The following HES3 variants were observed in gnomAD, a reference collection of about 807,000 sequenced individuals.
HES3 encodes transcription factor HES-3.
HES3 carries 6 observed loss-of-function variants against 8.0 expected under a neutral mutation model. The observed-to-expected ratio is 0.75, with a 90% confidence interval of 0.41 to 1.49. The LOEUF (loss-of-function observed/expected upper bound fraction) is 1.49, where lower values mean the gene tolerates loss of function less well. HES3 is among the 40% of genes most tolerant of loss of function. The probability of loss-of-function intolerance (pLI) is 0.01; values close to 1 mark genes in which losing one functional copy is unlikely to be tolerated. For missense variants in HES3, 266 were observed against 260.9 expected (o/e 1.02, Z -0.13); for synonymous variants, 121 against 119.4 (o/e 1.01, Z -0.09).
intron 3 of HES3, 102 bp from the exon 4 acceptor site, chr1:6,245,008 T>TCCCCCCCCCCCCCCCCCCCCCCC: frequency 8.9e-6 from 2 of 225,136 alleles, no homozygotes; most frequent in South Asian, 4.1e-5. Context: ...CTCCCTCCCT[T>TCCCCCCCCCCCCCCCCCCCCCCC]CCTCCCCTCC....
At position 6,245,193 on chromosome 1, in the gene HES3, GGAGAT is replaced by G; in HGVS notation, c.251_255del (p.Asp84GlyfsTer99). The G allele has an allele frequency of 6.5e-7, 1 of 1,527,346 alleles. No homozygotes were observed. The highest frequency in any genetic ancestry group is 8.7e-7 in the Non-Finnish European group (1 of 1,144,222). The allele number at this position is 1,527,346 out of a possible 1,614,324, so 94.6% of individuals were successfully genotyped here. On this transcript the variant is annotated frameshift_variant, in exon 4 of 4. Coordinates refer to ENST00000377898, the MANE Select transcript of HES3 (RefSeq NM_001024598.4). LOFTEE classifies it low-confidence loss of function (END_TRUNC). Reference sequence around the variant, plus strand: ...CGGCGTGAGCCAGCTCCTTCGGCGCGGAGATGAGGTCGGCAGCGGCCTGCGCTGCC... The same window carrying G: ...CGGCGTGAGCCAGCTCCTTCGGCGCGGAGGTCGGCAGCGGCCTGCGCTGCC...
intron 1 of HES3, 32 bp downstream of exon 1, chr1:6,244,273 C>A: frequency 8.3e-7 from 1 of 1,208,734 alleles, no homozygotes; most frequent in Non-Finnish European, 1.2e-6. Context: ...GGGGCAGGCA[C>A]CCTTCCCCGG....
At chr1:6,245,011 T>TCCCC in intron 3 of HES3, 99 bp from the exon 4 acceptor site, 2 of 103,062 alleles carry the variant, frequency 1.9e-5, no homozygotes, top group Non-Finnish European at 3.6e-5. Context: ...CCTCCCTTCC[T>TCCCC]CCCCTCCCCT....
chr1:6,244,873 G>A (rs1638268091), intron 3 of HES3, among the ~76,000 whole-genome samples: 1 of 152,050 alleles, frequency 6.6e-6, no homozygotes, highest in South Asian at 2.1e-4. Context: ...CTGGCTGTGC[G>A]ATTGCAATCT....
At position 6,245,564 on chromosome 1, in the gene HES3, A is replaced by G. The variant is rs897882357; in HGVS notation, c.*57A>G. The G allele has an allele frequency of 3.5e-6, 5 of 1,414,804 alleles. No homozygotes were observed. The African/African-American group carries it at 7.5e-5, about 21-fold the overall frequency. 87.6% of individuals were successfully genotyped at this position (1,414,804 alleles called of 1,614,324 possible). The stretch of plus-strand genomic sequence containing the variant: ...GACTATTTTCAGCACGCCCACAGTG[A>G]CTGCCAGGACCCCCCAGTCGTCCGT... On this transcript the variant is annotated 3_prime_UTR_variant, in exon 4 of 4. Transcript: ENST00000377898.
rs371128617 is a variant in HES3 at position 6,245,165 on chromosome 1, G to A, written c.219G>A (p.Leu73=). 291 of 1,528,952 alleles carry A rather than the reference G, an allele frequency of 1.9e-4. 2 individuals are homozygous for A. In the East Asian group the frequency reaches 4.5e-3, roughly 23 times the overall value. The allele number at this position is 1,528,952 out of a possible 1,614,324, so 94.7% of individuals were successfully genotyped here. A position where few individuals can be genotyped will look rare whatever the true frequency, so the allele number is the denominator to read the frequency against. Residue 73 remains leucine, a synonymous_variant, in exon 4 of 4, where the codon CTG becomes CTA. Coordinates refer to ENST00000377898, the MANE Select transcript of HES3 (RefSeq NM_001024598.4). ...AACCGTCGGGCTTCCGCAGCTGCCTGCCCGGCGTGAGCCAGCTCCTTCGGC... is the reference window on the plus strand; with the variant it reads ...AACCGTCGGGCTTCCGCAGCTGCCTACCCGGCGTGAGCCAGCTCCTTCGGC... The part of the protein sequence containing the change: ...AEQPSGFRSC[L]PGVSQLLRRG...
chr1:6,245,001 C>CT (rs1238526157), intron 3 of HES3, 109 bp from the exon 4 acceptor site: 2 of 345,246 alleles, frequency 5.8e-6, no homozygotes, highest in Non-Finnish European at 1.1e-5. Context: ...CCCTCTCCTC[C>CT]CTCCCTTCCT....
chr1:6,245,004 CCCTT>C (rs1212620127), intron 3 of HES3, 102 bp from the exon 4 acceptor site: 3 of 293,820 alleles, frequency 1.0e-5, no homozygotes, highest in African/African-American at 7.2e-5. Flanking sequence ...TCTCCTCCCT[CCCTT>C]CCTCCCCTCC....
At position 6,244,223 on chromosome 1, in the gene HES3, C is replaced by T. The variant is rs1638252421; in HGVS notation, c.-34C>T. ...CGGAGCCTGCTGCCCGGGGCAGCCT[C>T]CCCGGCAACTTCCGAAAGGTCTGGG... On this transcript the variant is annotated 5_prime_UTR_variant, in exon 1 of 4. Transcript: ENST00000377898. The T allele has an allele frequency of 1.4e-6, 1 of 719,434 alleles. No individual in the cohort carries two copies. The highest frequency in any genetic ancestry group is 2.6e-5 in the East Asian group (1 of 37,998). The allele number at this position is 719,434 out of a possible 1,614,324, so 44.6% of individuals were successfully genotyped here.
Position 6,244,958 on chromosome 1 carries a change from G to T in HES3, c.164-152G>T, listed in dbSNP as rs1016648140. 7 of 640,860 alleles carry T rather than the reference G, an allele frequency of 1.1e-5. No homozygotes were observed. In the African/African-American group the frequency reaches 1.3e-4, roughly 12 times the overall value. 39.7% of individuals were successfully genotyped at this position (640,860 alleles called of 1,614,324 possible). The stretch of plus-strand genomic sequence containing the variant: ...GCCCTCCTCTTCCCTTCCTCAACAC[G>T]CTTCCTCCCTCCTTTCCCCTCCACC... On this transcript the variant is annotated intron_variant, in intron 3 of 3. Coordinates refer to ENST00000377898, the MANE Select transcript of HES3 (RefSeq NM_001024598.4).
Position 6,244,198 on chromosome 1 carries a change from C to A in HES3, c.-59C>A. The A allele has an allele frequency of 1.6e-6, 1 of 639,032 alleles. No homozygotes were observed. Among genetic ancestry groups the A allele is most frequent in the Non-Finnish European group, 2.8e-6 (1 of 356,678 alleles). The allele number at this position is 639,032 out of a possible 1,614,324, so 39.6% of individuals were successfully genotyped here. A position where few individuals can be genotyped will look rare whatever the true frequency, so the allele number is the denominator to read the frequency against. ...TGGTGCATGGACTGCAACATGGGCACGGAGCCTGCTGCCCGGGGCAGCCTC... is the reference window on the plus strand; with the variant it reads ...TGGTGCATGGACTGCAACATGGGCAAGGAGCCTGCTGCCCGGGGCAGCCTC... On this transcript the variant is annotated 5_prime_UTR_variant, in exon 1 of 4. Transcript: ENST00000377898.
intron 3 of HES3, among the ~76,000 whole-genome samples, 154 bp downstream of exon 3, chr1:6,244,783 G>A (rs973509964): frequency 8.5e-5 from 13 of 152,184 alleles, no homozygotes; most frequent in African/African-American, 2.4e-4. Context: ...ATATAAAGAG[G>A]ACAACTCGGA....
In HES3 at chr1:6,244,633, T is replaced by C. The variant is rs1638262604; in HGVS notation, c.163+4T>C. ...AGCCTTCAGAACTCCTTGCAAGGTA[T>C]AGGGGAGGGCTGGAGGGAGGAGGGG... On this transcript the variant is annotated splice_donor_region_variant and intron_variant, in intron 3 of 3. Coordinates refer to ENST00000377898, the MANE Select transcript of HES3 (RefSeq NM_001024598.4). 1 of 1,611,034 alleles carries C rather than the reference T, an allele frequency of 6.2e-7. No individual in the cohort carries two copies. The highest frequency in any genetic ancestry group is 8.5e-7 in the Non-Finnish European group (1 of 1,178,256).
Position 6,244,903 on chromosome 1 carries a change from C to G in HES3, c.164-207C>G, listed in dbSNP as rs190473475. Reference sequence around the variant, plus strand: ...CAATCTGGGTGGTAGGTCTGGACCCCGGGGGAGACGTTCGGGTCGTCTGAC... The same window carrying G: ...CAATCTGGGTGGTAGGTCTGGACCCGGGGGGAGACGTTCGGGTCGTCTGAC... On this transcript the variant is annotated intron_variant, in intron 3 of 3. Coordinates refer to ENST00000377898, the MANE Select transcript of HES3 (RefSeq NM_001024598.4). Among the ~76,000 whole-genome samples, 901 of 152,010 alleles carry G rather than the reference C, an allele frequency of 5.9e-3. 7 individuals carry two copies. The highest frequency in any genetic ancestry group is 0.021 in the African/African-American group (864 of 41,450).
chr1:6,245,404 G>C lies in HES3; in HGVS notation c.458G>C (p.Ser153Thr). 6.5e-7 allele frequency: 1 copy of C among 1,536,746 alleles called. No individual in the cohort carries two copies. Among genetic ancestry groups the C allele is most frequent in the Non-Finnish European group, 8.7e-7 (1 of 1,150,936 alleles). ...GAAAGTCTCCCTGGCTCGTCCGCCA[G>C]CGTCCCCCCGCCGCAGCCAGCGTCG... Reference protein sequence around the residue: ...LPESLPGSSASVPPPQPASSR... With the variant: ...LPESLPGSSATVPPPQPASSR... The change falls in exon 4 of 4, where the codon AGC (serine) becomes ACC (threonine). Residue 153 changes from serine to threonine, a missense_variant. Transcript: ENST00000377898.
intron 3 of HES3, 89 bp downstream of exon 3, chr1:6,244,718 G>T: frequency 8.5e-7 from 1 of 1,177,358 alleles, no homozygotes; most frequent in Non-Finnish European, 1.2e-6. Context: ...ATACCTCAAG[G>T]ACCGCTTGAC....
chr1:6,245,048 C>T (rs1234030463), intron 3 of HES3, 62 bp from the exon 4 acceptor site: 3 of 455,268 alleles, frequency 6.6e-6, no homozygotes, highest in Non-Finnish European at 1.1e-5. Context: ...CCTCTCCCTC[C>T]CCCTCCCCTT....
chr1:6,244,709 T>G, intron 3 of HES3, 80 bp downstream of exon 3: 207 of 1,205,008 alleles, frequency 1.7e-4, no homozygotes, highest in Middle Eastern at 2.5e-4. Context: ...TAAAGAGGGA[T>G]ACCTCAAGGA....
At chr1:6,245,008 T>TCCCCCC in intron 3 of HES3, 102 bp from the exon 4 acceptor site, 2 of 225,130 alleles carry the variant, frequency 8.9e-6, no homozygotes, top group South Asian at 4.1e-5. Flanking sequence ...CTCCCTCCCT[T>TCCCCCC]CCTCCCCTCC....
Sources: allele counts gnomAD v4.1 joint callset (sites outside exome capture counted in the v4.1 genomes callset), GRCh38; gene constraint gnomAD v4.1.1; transcripts MANE v1.5; gene names NCBI Gene and HGNC (gene_info 2026-07-23, HGNC 2026-07-21).